LRFN5: variants seen among roughly 807,000 people sequenced by gnomAD.
The protein encoded by LRFN5 is leucine rich repeat and fibronectin type III domain containing 5, also known as leucine-rich repeat and fibronectin type-III domain-containing protein 5.
In LRFN5, 24 loss-of-function variants were observed where a neutral mutation model predicts 45.6. The ratio of observed to expected loss-of-function variants is 0.53; its 90% CI spans 0.38 to 0.74. The LOEUF (loss-of-function observed/expected upper bound fraction) is 0.74, where lower values mean the gene tolerates loss of function less well. LRFN5 is among the 30% of genes least tolerant of loss of function. The probability of loss-of-function intolerance (pLI) is 0.00; values close to 1 mark genes in which losing one functional copy is unlikely to be tolerated. For missense variants in LRFN5, 776 were observed against 861.5 expected, an observed-to-expected ratio of 0.90 and a Z score of 1.24; for synonymous variants, 340 against 313.8, an observed-to-expected ratio of 1.08 and a Z score of -0.88.
intron 1 of LRFN5, among the ~76,000 whole-genome samples, chr14:41,684,445 A>C (rs1342603130): frequency 6.6e-6 from 1 of 152,152 alleles, no homozygotes; most frequent in Non-Finnish European, 1.5e-5. Flanking sequence ...CAGGAAGGAG[A>C]ATGAACACAG....
chr14:41,803,799 G>T (rs138283417), intron 2 of LRFN5, among the ~76,000 whole-genome samples: 102 of 152,208 alleles, frequency 6.7e-4, no homozygotes, highest in African/African-American at 2.2e-3. Context: ...CAAGACAGAG[G>T]AAATGCAATG....
chr14:41,775,783 C>T (rs1886268872), intron 2 of LRFN5, among the ~76,000 whole-genome samples: 1 of 152,094 alleles, frequency 6.6e-6, no homozygotes, highest in South Asian at 2.1e-4. Flanking sequence ...GGAATATTCA[C>T]AAATAAAATT....
chr14:41,748,220 T>G (rs769905382), intron 1 of LRFN5, among the ~76,000 whole-genome samples: 3 of 152,100 alleles, frequency 2.0e-5, no homozygotes, highest in Non-Finnish European at 4.4e-5. Flanking sequence ...TGTATTTGTA[T>G]ATCCATGTTT....
chr14:41,873,022 G>T (rs1890070090), intron 2 of LRFN5, among the ~76,000 whole-genome samples: 1 of 152,118 alleles, frequency 6.6e-6, no homozygotes. Context: ...AAAATTCACT[G>T]AGTTGATGTA....
intron 2 of LRFN5, among the ~76,000 whole-genome samples, chr14:41,842,929 A>G (rs1888912470): frequency 6.6e-6 from 1 of 152,054 alleles, no homozygotes; most frequent in African/African-American, 2.4e-5. Flanking sequence ...GAAGTATTTG[A>G]TCAAGATCTT....
chr14:41,887,927 A>T lies in LRFN5; in HGVS notation c.1302A>T (p.Lys434Asn). Residue 434 changes from lysine to asparagine, a missense_variant, in exon 3 of 6, where the codon AAA (lysine) becomes AAT (asparagine). This residue lies in a region of LRFN5 where 465 missense variants were observed against 456.4 expected (regional missense o/e 1.02). Coordinates refer to ENST00000298119, the MANE Select transcript of LRFN5 (RefSeq NM_152447.5). The surrounding 1 kb of genome is among the most constrained non-coding windows in gnomAD (Gnocchi z 4.8). The part of the protein sequence containing the change: ...AEATSSTALL[K>N]FNFQRNIPGI... ...CTACATCATCAACGGCACTACTTAA[A>T]TTTAATTTTCAAAGAAATATCCCTG... The T allele has an allele frequency of 6.2e-7, 1 of 1,613,962 alleles. No homozygotes were observed. Among genetic ancestry groups the T allele is most frequent in the African/African-American group, 1.3e-5 (1 of 75,058 alleles).
At chr14:41,746,390 A>C (rs1884920941) in intron 1 of LRFN5, among the ~76,000 whole-genome samples, 1 of 151,998 alleles carries the variant, frequency 6.6e-6, no homozygotes, top group Admixed American at 6.6e-5. Context: ...CAGAAATATC[A>C]TACTCAGTGG....
chr14:41,820,218 G>C (rs527320269), intron 2 of LRFN5, among the ~76,000 whole-genome samples: 2 of 151,218 alleles, frequency 1.3e-5, no homozygotes, highest in East Asian at 3.9e-4. Context: ...TTTTTTTCTA[G>C]GTTTTCTTCT....
intron 1 of LRFN5, among the ~76,000 whole-genome samples, chr14:41,714,713 C>T (rs1256336680): frequency 6.6e-6 from 1 of 152,000 alleles, no homozygotes; most frequent in Admixed American, 6.6e-5. Flanking sequence ...CAAGACCAGC[C>T]TGAGCACATG....
chr14:41,887,277 C>G lies in LRFN5; in HGVS notation c.652C>G (p.Arg218Gly). The stretch of plus-strand genomic sequence containing the variant: ...GCTACCACCTGACCCTCTCTTTCAG[C>G]GAGCTCAGGTACTAGCAACCTCAGG... ...QKLPPDPLFQRAQVLATSGII... is the reference protein window; with the variant it reads ...QKLPPDPLFQGAQVLATSGII... The change falls in exon 3 of 6, where the codon CGA (arginine) becomes GGA (glycine). Residue 218 changes from arginine to glycine, a missense_variant. Around this residue, in one of 2 missense-constraint regions of LRFN5, gnomAD observed 311 missense variants for 405.1 expected, o/e 0.77. Coordinates refer to ENST00000298119, the MANE Select transcript of LRFN5 (RefSeq NM_152447.5). This position sits in a 1 kb window ranked among gnomAD's most constrained non-coding sequence, Gnocchi z 4.8. 1.2e-6 allele frequency: 2 copies of G among 1,614,162 alleles called. No individual in the cohort carries two copies. The highest frequency in any genetic ancestry group is 1.7e-6 in the Non-Finnish European group (2 of 1,180,024).
intron 2 of LRFN5, among the ~76,000 whole-genome samples, chr14:41,818,761 T>C (rs149220460): frequency 6.7e-4 from 102 of 152,246 alleles, no homozygotes; most frequent in African/African-American, 2.2e-3. Context: ...AAAAATAGAT[T>C]TGTGGGCACA....
intron 2 of LRFN5, among the ~76,000 whole-genome samples, chr14:41,818,390 C>T (rs1887993005): frequency 6.6e-6 from 1 of 151,918 alleles, no homozygotes; most frequent in African/African-American, 2.4e-5. Flanking sequence ...TAATGGGGGA[C>T]TAAAATATCT....
intron 1 of LRFN5, among the ~76,000 whole-genome samples, chr14:41,667,267 G>C (rs530653089): frequency 1.3e-5 from 2 of 152,090 alleles, no homozygotes; most frequent in South Asian, 4.2e-4. Flanking sequence ...ATTTCTCATG[G>C]GTATTTTTAC....
At chr14:41,781,576 G>T (rs1046199719) in intron 2 of LRFN5, among the ~76,000 whole-genome samples, 2 of 91,014 alleles carry the variant, frequency 2.2e-5, no homozygotes, top group African/African-American at 5.8e-5. Context: ...AAGAAAGAAA[G>T]AAAGAAAGAA....
chr14:41,826,798 T>G (rs1036092840), intron 2 of LRFN5, among the ~76,000 whole-genome samples: 3 of 151,856 alleles, frequency 2.0e-5, no homozygotes, highest in Non-Finnish European at 4.4e-5. Context: ...ATCTATAATA[T>G]GGGAAAATAA....
intron 2 of LRFN5, among the ~76,000 whole-genome samples, chr14:41,776,043 C>G (rs1011048822): frequency 2.0e-5 from 3 of 152,144 alleles, no homozygotes; most frequent in Admixed American, 6.5e-5. Flanking sequence ...GAATGTGTCA[C>G]TAAGTAGTGA....
intron 2 of LRFN5, among the ~76,000 whole-genome samples, chr14:41,791,996 C>T (rs193043685): frequency 1.7e-4 from 26 of 152,094 alleles, no homozygotes; most frequent in South Asian, 4.2e-4. Flanking sequence ...CAGGGGAATC[C>T]GCCCCCAATA....
At chr14:41,615,013 G>T (rs942425411) in intron 1 of LRFN5, among the ~76,000 whole-genome samples, 1 of 152,042 alleles carries the variant, frequency 6.6e-6, no homozygotes, top group South Asian at 2.1e-4. Context: ...TTAAGAAATC[G>T]TAGGCTGTAT....
intron 2 of LRFN5, among the ~76,000 whole-genome samples, chr14:41,870,120 G>A (rs1021342440): frequency 2.6e-5 from 4 of 152,030 alleles, no homozygotes; most frequent in African/African-American, 7.2e-5. Context: ...GTATTGGCCT[G>A]GTTGAGTTTT....
Sources: allele counts gnomAD v4.1 joint callset (sites outside exome capture counted in the v4.1 genomes callset), GRCh38; gene constraint gnomAD v4.1.1; regional missense constraint gnomAD v4.1.1; non-coding constraint Gnocchi (gnomAD v3.1); transcripts MANE v1.5; gene names NCBI Gene and HGNC (gene_info 2026-07-23, HGNC 2026-07-21).